Variants in PCDH11X observed in about 807,000 individuals in gnomAD.
PCDH11X encodes the protein protocadherin 11 X-linked.
Under a neutral mutation model 53.3 loss-of-function variants are expected in PCDH11X, and 18 were observed. The observed-to-expected ratio is 0.34, with a 90% confidence interval of 0.23 to 0.50. The LOEUF (loss-of-function observed/expected upper bound fraction) is 0.50. PCDH11X is among the 20% of genes least tolerant of loss of function. The pLI is 0.98. For missense variants in PCDH11X, 570 were observed against 1,032.4 expected (o/e 0.55, Z 6.14); for synonymous variants, 279 against 393.3 (o/e 0.71, Z 3.44).
At chrX:91,974,074 AT>A (rs749801022) in intron 6 of PCDH11X, among the ~76,000 whole-genome samples, 187 of 111,395 alleles carry the variant, frequency 1.7e-3, no homozygotes, top group African/African-American at 5.6e-3. Flanking sequence ...CTGGAAAAAA[AT>A]TTTTTTTATA....
chrX:92,217,776 C>A (rs1390433937), intron 7 of PCDH11X, among the ~76,000 whole-genome samples: 1 of 111,176 alleles, frequency 9.0e-6, no homozygotes, highest in African/African-American at 3.3e-5. Context: ...CACCACAACT[C>A]TTCCAAAATT....
chrX:91,962,933 G>C (rs1421355033), intron 6 of PCDH11X, among the ~76,000 whole-genome samples: 3 of 110,113 alleles, frequency 2.7e-5, no homozygotes, highest in African/African-American at 9.9e-5. Flanking sequence ...GGGACACAGG[G>C]CATCAAGTCC....
intron 8 of PCDH11X, among the ~76,000 whole-genome samples, chrX:92,271,628 G>A (rs1443973425): frequency 8.9e-6 from 1 of 111,841 alleles, no homozygotes; most frequent in African/African-American, 3.2e-5. Context: ...AATATTTCCT[G>A]TCATAGATGA....
Position 92,395,810 on chromosome X carries a change from G to A in PCDH11X, c.3343+7877G>A, listed in dbSNP as rs542447811. 1.4e-4 allele frequency among the ~76,000 whole-genome samples: 15 copies of A among 109,887 alleles called. No individual in the cohort carries two copies. In the South Asian group the frequency reaches 5.8e-3, roughly 43 times the overall value. Reference sequence around the variant, plus strand: ...TCTAAAATAAGAGTCACTAATGTTGGTAAGCAGCTACTTTTGAAATTTAAA... The same window carrying A: ...TCTAAAATAAGAGTCACTAATGTTGATAAGCAGCTACTTTTGAAATTTAAA... On this transcript the variant is annotated intron_variant, in intron 9 of 10. Coordinates refer to ENST00000682573, the MANE Select transcript of PCDH11X (RefSeq NM_032968.5).
chrX:92,228,708 C>A (rs994396429), intron 7 of PCDH11X, among the ~76,000 whole-genome samples: 1 of 111,431 alleles, frequency 9.0e-6, no homozygotes, highest in Non-Finnish European at 1.9e-5. Context: ...TAAGCCAATG[C>A]TGACAGCCAA....
chrX:92,210,269 C>A, intron 7 of PCDH11X, among the ~76,000 whole-genome samples: 1 of 73,126 alleles, frequency 1.4e-5, no homozygotes, highest in Non-Finnish European at 2.4e-5. Context: ...GACAGAATCT[C>A]ACTCTGTCAC....
At position 92,083,418 on chromosome X, in the gene PCDH11X, C is replaced by A. The variant is rs1295412662; in HGVS notation, c.3034-117957C>A. On this transcript the variant is annotated intron_variant, in intron 6 of 10. Transcript: ENST00000682573. The stretch of plus-strand genomic sequence containing the variant: ...TTCCTTAAAAACAATACAAAATAAA[C>A]CCCAGAAATAAATTGGAGTGAACTA... 2.7e-5 allele frequency among the ~76,000 whole-genome samples: 3 copies of A among 111,040 alleles called. No individual in the cohort carries two copies. In the East Asian group the frequency reaches 8.5e-4, roughly 31 times the overall value.
At chrX:92,100,788 T>A (rs543241077) in intron 6 of PCDH11X, among the ~76,000 whole-genome samples, 1 of 110,490 alleles carries the variant, frequency 9.1e-6, no homozygotes, top group Non-Finnish European at 1.9e-5. Flanking sequence ...GAATGGACGA[T>A]GTTTCTCAGG....
chrX:92,177,054 C>A (rs2065921390), intron 6 of PCDH11X, among the ~76,000 whole-genome samples: 1 of 106,978 alleles, frequency 9.3e-6, no homozygotes, highest in South Asian at 4.3e-4. Flanking sequence ...CGGCTCACTG[C>A]AACCTCTGCC....
chrX:92,523,104 T>C (rs1228629871), intron 10 of PCDH11X, among the ~76,000 whole-genome samples: 1 of 112,230 alleles, frequency 8.9e-6, no homozygotes, highest in Non-Finnish European at 1.9e-5. Context: ...TGTGTCTTAT[T>C]TTAATGTCTT....
At chrX:92,096,462 G>A (rs991260612) in intron 6 of PCDH11X, among the ~76,000 whole-genome samples, 10 of 109,213 alleles carry the variant, frequency 9.2e-5, no homozygotes, top group South Asian at 8.0e-4. Flanking sequence ...GTGTGTGTGT[G>A]TGTGTGTGTG....
At chrX:92,114,713 C>T (rs895369183) in intron 6 of PCDH11X, among the ~76,000 whole-genome samples, 4 of 111,688 alleles carry the variant, frequency 3.6e-5, no homozygotes, top group African/African-American at 1.3e-4. Flanking sequence ...CTAAACATAC[C>T]TGTGGTTTCC....
intron 6 of PCDH11X, among the ~76,000 whole-genome samples, chrX:92,037,045 A>G (rs1451476408): frequency 9.0e-6 from 1 of 111,616 alleles, no homozygotes; most frequent in Non-Finnish European, 1.9e-5. Context: ...ATTTTATTTT[A>G]TTTCATTTTA....
At chrX:92,215,835 C>T (rs961358971) in intron 7 of PCDH11X, among the ~76,000 whole-genome samples, 7 of 107,492 alleles carry the variant, frequency 6.5e-5, no homozygotes, top group African/African-American at 2.0e-4. Context: ...CTCACACGGC[C>T]GGGTACTCCT....
At chrX:91,936,380 A>T (rs1333432404) in intron 6 of PCDH11X, among the ~76,000 whole-genome samples, 3 of 109,198 alleles carry the variant, frequency 2.7e-5, no homozygotes, top group Non-Finnish European at 5.7e-5. Flanking sequence ...TGATTTGCCT[A>T]AGTAATTTTA....
intron 6 of PCDH11X, among the ~76,000 whole-genome samples, chrX:92,003,533 T>G (rs2062547223): frequency 9.4e-6 from 1 of 106,316 alleles, no homozygotes; most frequent in African/African-American, 3.4e-5. Flanking sequence ...TCTTTTTTTT[T>G]GATGGGAGAG....
At chrX:92,091,259 T>C (rs946618816) in intron 6 of PCDH11X, among the ~76,000 whole-genome samples, 12 of 110,847 alleles carry the variant, frequency 1.1e-4, no homozygotes, top group African/African-American at 3.6e-4. Context: ...CCTAATACAA[T>C]GATAACAGAA....
intron 6 of PCDH11X, among the ~76,000 whole-genome samples, chrX:92,050,925 G>A (rs1229987773): frequency 1.8e-5 from 2 of 110,280 alleles, no homozygotes; most frequent in Admixed American, 9.7e-5. Flanking sequence ...AGAACTGTAT[G>A]GCATGATGCC....
At chrX:91,830,333 T>C (rs886645298) in intron 4 of PCDH11X, among the ~76,000 whole-genome samples, 1 of 111,785 alleles carries the variant, frequency 8.9e-6, no homozygotes, top group Admixed American at 9.6e-5. Flanking sequence ...ATTAGACATG[T>C]ACAATAAGCA....
Sources: gnomAD v4.1 joint callset for allele counts (sites outside exome capture counted in the v4.1 genomes callset) on GRCh38, gnomAD v4.1.1 for gene constraint, MANE v1.5 for transcripts, NCBI Gene and HGNC (gene_info 2026-07-23, HGNC 2026-07-21) for gene names.